Variants in NFIC observed in about 807,000 individuals in gnomAD.
The protein encoded by NFIC is nuclear factor 1 C-type.
A neutral mutation model predicts 54.4 loss-of-function variants in NFIC; 12 were observed. The observed-to-expected ratio is 0.22, with a 90% CI of 0.14 to 0.36. The LOEUF is 0.36. Among genes scored for constraint, NFIC ranks in the 10% least tolerant of loss-of-function variants. NFIC has a pLI of 1.00. For missense variants in NFIC, 575 were observed against 718.2 expected (o/e 0.80, Z 2.28); for synonymous variants, 322 against 319.2 (o/e 1.01, Z -0.09).
At chr19:3,437,720 G>A (rs553911369) in intron 6 of NFIC, among the ~76,000 whole-genome samples, 9 of 147,206 alleles carry the variant, frequency 6.1e-5, no homozygotes, top group Admixed American at 1.4e-4. Context: ...ACGGAGTTTC[G>A]CTCTTATCAC....
intron 6 of NFIC, among the ~76,000 whole-genome samples, chr19:3,444,219 C>T (rs1364834751): frequency 6.9e-6 from 1 of 144,726 alleles, no homozygotes; most frequent in African/African-American, 2.5e-5. Flanking sequence ...ATGGCTGCTC[C>T]GTCGGGGTGA....
In NFIC at chr19:3,387,135, G is replaced by A. The variant is rs530802483; in HGVS notation, c.562+4892G>A. Among the ~76,000 whole-genome samples the A allele has an allele frequency of 2.0e-5, 3 of 152,252 alleles. No individual in the cohort carries two copies. In the South Asian group the frequency reaches 6.2e-4, roughly 31 times the overall value. On this transcript the variant is annotated intron_variant, in intron 2 of 10. Transcript: ENST00000443272. The stretch of plus-strand genomic sequence containing the variant: ...ATAGGGCCTTGGCTGGCCTCTTGGA[G>A]GGGTGCAGGGTGGATGGCGGTGGAG...
At chr19:3,392,256 G>A (rs1381068159) in intron 2 of NFIC, among the ~76,000 whole-genome samples, 1 of 151,938 alleles carries the variant, frequency 6.6e-6, no homozygotes, top group East Asian at 1.9e-4. Flanking sequence ...ATTTTTAGTA[G>A]AGCGGGGGTT....
At chr19:3,392,996 A>G (rs2081398975) in intron 2 of NFIC, among the ~76,000 whole-genome samples, 1 of 152,120 alleles carries the variant, frequency 6.6e-6, no homozygotes. Context: ...GCTGGAGTAC[A>G]GTGGCGCGAT....
At chr19:3,418,654 C>G (rs904823007) in intron 2 of NFIC, among the ~76,000 whole-genome samples, 3 of 152,130 alleles carry the variant, frequency 2.0e-5, no homozygotes, top group African/African-American at 7.2e-5. Flanking sequence ...GAATTCAAGA[C>G]CGGCCTGGCT....
intron 10 of NFIC, among the ~76,000 whole-genome samples, chr19:3,461,053 AG>A (rs1383230014): frequency 3.6e-4 from 54 of 151,964 alleles, no homozygotes; most frequent in African/African-American, 1.3e-3. Context: ...TGAACCCGGG[AG>A]GCAGAGGTTG....
At chr19:3,431,360 CTTTTTTT>C (rs71164702) in intron 3 of NFIC, among the ~76,000 whole-genome samples, 108 of 84,164 alleles carry the variant, frequency 1.3e-3, no homozygotes, top group Non-Finnish European at 1.9e-3. Flanking sequence ...TTTCCTTCTT[CTTTTTTT>C]TTTTTTTTTT....
chr19:3,414,401 C>A (rs2081815728), intron 2 of NFIC, among the ~76,000 whole-genome samples: 1 of 151,960 alleles, frequency 6.6e-6, no homozygotes, highest in Non-Finnish European at 1.5e-5. Context: ...TCGAGACCAG[C>A]CTGACCAACA....
At position 3,459,611 on chromosome 19, in the gene NFIC, C is replaced by A. The variant is rs1387912156; in HGVS notation, c.1509+2976C>A. The stretch of plus-strand genomic sequence containing the variant: ...TGGGAGGATGTGGAGTTGAGGGTGC[C>A]CCCACCCCACCCCCGCCCCATTGCT... On this transcript the variant is annotated intron_variant, in intron 10 of 10. Transcript: ENST00000443272. This position sits in a 1 kb window ranked among gnomAD's most constrained non-coding sequence, Gnocchi z 4.2. 6.6e-6 allele frequency among the ~76,000 whole-genome samples: 1 copy of A among 152,146 alleles called. No homozygotes were observed. Among genetic ancestry groups the A allele is most frequent in the Non-Finnish European group, 1.5e-5 (1 of 68,020 alleles).
chr19:3,464,524 C>CCCGG lies in NFIC; in HGVS notation c.*1755_*1756insCCGG. On this transcript the variant is annotated 3_prime_UTR_variant, in exon 11 of 11. Transcript: ENST00000443272. Reference sequence around the variant, plus strand: ...GAGCTCAAACACAAGGACCCCTCCCCGGCCCACCCAGCCCAGCCCCAACTG... The same window carrying CCCGG: ...GAGCTCAAACACAAGGACCCCTCCCCCCGGGGCCCACCCAGCCCAGCCCCAACTG... The CCCGG allele has an allele frequency of 2.2e-6, 2 of 910,484 alleles. No homozygotes were observed. Among genetic ancestry groups the CCCGG allele is most frequent in the Non-Finnish European group, 2.6e-6 (2 of 763,612 alleles). 56.4% of individuals were successfully genotyped at this position (910,484 alleles called of 1,614,324 possible). A position where few individuals can be genotyped will look rare whatever the true frequency, so the allele number is the denominator to read the frequency against.
Position 3,369,785 on chromosome 19 carries a change from T to C in NFIC, c.30+3119T>C, listed in dbSNP as rs768151634. On this transcript the variant is annotated intron_variant, in intron 1 of 10. Coordinates refer to ENST00000443272, the MANE Select transcript of NFIC (RefSeq NM_001245002.2). This position sits in a 1 kb window ranked among gnomAD's most constrained non-coding sequence, Gnocchi z 4.3. ...CCGCTGGCGCCACCGCCACGTTAGT[T>C]ATTCCGGGTTTGGGGCCAAGTCCCT... Among the ~76,000 whole-genome samples the C allele has an allele frequency of 4.6e-5, 7 of 152,158 alleles. No individual in the cohort carries two copies. Among genetic ancestry groups the C allele is most frequent in the Non-Finnish European group, 1.0e-4 (7 of 68,004 alleles).
intron 1 of NFIC, among the ~76,000 whole-genome samples, chr19:3,373,121 A>C (rs1281613734): frequency 6.6e-6 from 1 of 152,196 alleles, no homozygotes; most frequent in Non-Finnish European, 1.5e-5. Flanking sequence ...CTGGGATTAC[A>C]GGTGTGAGCC....
chr19:3,372,075 C>T (rs2081030673), intron 1 of NFIC, among the ~76,000 whole-genome samples: 1 of 146,156 alleles, frequency 6.8e-6, no homozygotes, highest in Admixed American at 7.0e-5. Context: ...GGCTGGAGTG[C>T]AGTGGCGTGA....
intron 2 of NFIC, chr19:3,411,280 A>G (rs1204030911): frequency 7.4e-5 from 11 of 149,038 alleles, no homozygotes; most frequent in African/African-American, 2.7e-4. Flanking sequence ...TTGACCTTCC[A>G]AAGTGCAGGA....
chr19:3,399,650 T>C (rs114003088), intron 2 of NFIC, among the ~76,000 whole-genome samples: 1,662 of 151,900 alleles, frequency 0.011, 25 homozygotes, highest in African/African-American at 0.039. Context: ...GGAAGACAGA[T>C]CACTTGAGAT....
chr19:3,368,293 T>C (rs2080933366), intron 1 of NFIC, among the ~76,000 whole-genome samples: 1 of 152,092 alleles, frequency 6.6e-6, no homozygotes, highest in African/African-American at 2.4e-5. Flanking sequence ...CTGTGCACCC[T>C]GGAATTCCCC....
intron 2 of NFIC, among the ~76,000 whole-genome samples, chr19:3,392,477 C>T (rs2081391377): frequency 6.6e-6 from 1 of 152,276 alleles, no homozygotes; most frequent in Non-Finnish European, 1.5e-5. Context: ...CGCAGACGCC[C>T]CTACCCAGCA....
intron 6 of NFIC, among the ~76,000 whole-genome samples, chr19:3,439,910 G>A (rs1331353460): frequency 7.2e-5 from 11 of 151,844 alleles, no homozygotes; most frequent in African/African-American, 9.7e-5. Context: ...GGATGGTCTC[G>A]ATCTCCTGAC....
At chr19:3,421,259 G>T (rs1374273118) in intron 2 of NFIC, among the ~76,000 whole-genome samples, 1 of 147,394 alleles carries the variant, frequency 6.8e-6, no homozygotes, top group African/African-American at 2.7e-5. Flanking sequence ...GGGCACTGCG[G>T]CCTGCTGAGA....
Sources: gnomAD v4.1 joint callset for allele counts (sites outside exome capture counted in the v4.1 genomes callset) on GRCh38, gnomAD v4.1.1 for gene constraint, Gnocchi (gnomAD v3.1) non-coding constraint, MANE v1.5 for transcripts, NCBI Gene and HGNC (gene_info 2026-07-23, HGNC 2026-07-21) for gene names.